DPH6: variants seen among roughly 807,000 people sequenced by gnomAD.
DPH6 encodes diphthine--ammonia ligase.
In DPH6, 33 loss-of-function variants were observed where a neutral mutation model predicts 38.2. The ratio of observed to expected loss-of-function variants is 0.86; its 90% CI spans 0.65 to 1.15. The LOEUF (loss-of-function observed/expected upper bound fraction) is 1.15. DPH6 is among the 50% of genes most tolerant of loss of function. The pLI is 0.00. For synonymous variants in DPH6, 108 were observed against 103.0 expected, an observed-to-expected ratio of 1.05 and a Z score of -0.30; for missense variants, 325 against 320.0, an observed-to-expected ratio of 1.02 and a Z score of -0.12.
Position 35,257,807 on chromosome 15 carries a change from C to G in DPH6, n.201-37225G>C, listed in dbSNP as rs562440207. 1.7e-4 allele frequency among the ~76,000 whole-genome samples: 22 copies of G among 131,482 alleles called. 4 individuals are homozygous for G. The highest frequency in any genetic ancestry group is 8.2e-4 in the East Asian group (3 of 3,640). 86.3% of individuals were successfully genotyped at this position (131,482 alleles called of 152,430 possible). On this transcript the variant is annotated intron_variant and non_coding_transcript_variant, in intron 3 of 3. Transcript: ENST00000560386. ...GTGTGTGTGTGTGTGCATTTTCTTA[C>G]TTCTTTTATCATTACAATGCATAGT... is the stretch of plus-strand genomic sequence containing the variant.
intron 3 of DPH6, among the ~76,000 whole-genome samples, chr15:35,354,495 T>C (rs1001574495): frequency 6.6e-6 from 1 of 152,214 alleles, no homozygotes; most frequent in Non-Finnish European, 1.5e-5. Context: ...CATGAAGCGT[T>C]GTTGAATTTT....
intron 3 of DPH6, among the ~76,000 whole-genome samples, chr15:35,524,928 T>C (rs2054975932): frequency 6.6e-6 from 1 of 152,144 alleles, no homozygotes; most frequent in African/African-American, 2.4e-5. Context: ...AATTTCTCCC[T>C]TGGATTACCA....
intron 3 of DPH6, among the ~76,000 whole-genome samples, chr15:35,265,947 A>C (rs1386130683): frequency 2.0e-5 from 3 of 152,192 alleles, no homozygotes; most frequent in Non-Finnish European, 4.4e-5. Context: ...CTACTTCTAC[A>C]AACAATTTAG....
intron 3 of DPH6, among the ~76,000 whole-genome samples, chr15:35,485,704 T>C (rs1417272819): frequency 6.6e-6 from 1 of 152,206 alleles, no homozygotes; most frequent in African/African-American, 2.4e-5. Context: ...TTGGATATAA[T>C]ACTTTGAGTT....
chr15:35,259,268 C>T (rs1258424408), intron 3 of DPH6, among the ~76,000 whole-genome samples: 1 of 152,104 alleles, frequency 6.6e-6, no homozygotes, highest in Non-Finnish European at 1.5e-5. Flanking sequence ...TACTCCTTAC[C>T]ACACTTTTCT....
At chr15:35,528,174 C>T (rs2055033590) in intron 3 of DPH6, among the ~76,000 whole-genome samples, 1 of 151,996 alleles carries the variant, frequency 6.6e-6, no homozygotes, top group Admixed American at 6.6e-5. Flanking sequence ...TCTGTGAATC[C>T]ACACTAGGTG....
chr15:35,186,173 G>A, the DPH6 span, among the ~76,000 whole-genome samples: 1 of 152,124 alleles, frequency 6.6e-6, no homozygotes. Flanking sequence ...TATTTTAGGA[G>A]CATCATCTTT....
At chr15:35,442,836 A>T (rs2053805114) in intron 5 of DPH6, among the ~76,000 whole-genome samples, 1 of 152,214 alleles carries the variant, frequency 6.6e-6, no homozygotes, top group South Asian at 2.1e-4. Context: ...AGATATGAAG[A>T]CACAAAGTCC....
At chr15:35,523,420 T>G (rs1332229314) in intron 3 of DPH6, among the ~76,000 whole-genome samples, 1 of 151,904 alleles carries the variant, frequency 6.6e-6, no homozygotes, top group Non-Finnish European at 1.5e-5. Context: ...GAAGAGATGT[T>G]AACTGTATGA....
intron 3 of DPH6, among the ~76,000 whole-genome samples, chr15:35,276,183 T>C (rs1300539376): frequency 2.6e-5 from 4 of 152,182 alleles, no homozygotes; most frequent in Non-Finnish European, 4.4e-5. Flanking sequence ...CCCAGATCAT[T>C]AGTGATGTTG....
At chr15:35,281,816 T>C (rs938965104) in intron 3 of DPH6, among the ~76,000 whole-genome samples, 3 of 152,214 alleles carry the variant, frequency 2.0e-5, no homozygotes, top group Non-Finnish European at 4.4e-5. Context: ...ATATCTACCG[T>C]AGATACCTCA....
At chr15:35,152,401 T>G in the DPH6 span, among the ~76,000 whole-genome samples, 9 of 152,212 alleles carry the variant, frequency 5.9e-5, no homozygotes, top group Non-Finnish European at 1.2e-4. Context: ...TTTTAAGGTT[T>G]GAGACACTGG....
At chr15:35,286,698 G>A (rs1252332976) in intron 3 of DPH6, among the ~76,000 whole-genome samples, 1 of 152,124 alleles carries the variant, frequency 6.6e-6, no homozygotes, top group Non-Finnish European at 1.5e-5. Flanking sequence ...TGTCTGAAAA[G>A]GTAAATTTAA....
At chr15:35,482,193 GA>G (rs1159523685) in intron 3 of DPH6, among the ~76,000 whole-genome samples, 3 of 152,182 alleles carry the variant, frequency 2.0e-5, no homozygotes, top group South Asian at 2.1e-4. Flanking sequence ...CAAACGAACT[GA>G]AAAAACCAGT....
At chr15:35,171,516 C>T in the DPH6 span, among the ~76,000 whole-genome samples, 1 of 151,956 alleles carries the variant, frequency 6.6e-6, no homozygotes, top group Non-Finnish European at 1.5e-5. Context: ...AATTGTTGTC[C>T]GTAATTGCCA....
chr15:35,340,711 C>T (rs1051367135), intron 3 of DPH6, among the ~76,000 whole-genome samples: 1 of 152,300 alleles, frequency 6.6e-6, no homozygotes, highest in Non-Finnish European at 1.5e-5. Flanking sequence ...TCGCCCCAAT[C>T]TCTTCTGGCT....
At chr15:35,230,885 A>G (rs1339227528) in intron 3 of DPH6, among the ~76,000 whole-genome samples, 1 of 152,220 alleles carries the variant, frequency 6.6e-6, no homozygotes, top group African/African-American at 2.4e-5. Context: ...AAGATACAAA[A>G]TAATGTCCTC....
intron 3 of DPH6, among the ~76,000 whole-genome samples, chr15:35,345,268 T>A (rs558264086): frequency 6.6e-6 from 1 of 151,976 alleles, no homozygotes; most frequent in African/African-American, 2.4e-5. Context: ...TCTAAGAACA[T>A]CTCTGTAGAT....
intron 3 of DPH6, chr15:35,489,248 T>C: frequency 1.3e-6 from 1 of 774,090 alleles, no homozygotes; most frequent in Non-Finnish European, 1.6e-6. Flanking sequence ...TTTTTTACCA[T>C]GTGATCTGGG....
Sources: gnomAD v4.1 joint callset for allele counts (sites outside exome capture counted in the v4.1 genomes callset) on GRCh38, gnomAD v4.1.1 for gene constraint, MANE v1.5 for transcripts, NCBI Gene and HGNC (gene_info 2026-07-23, HGNC 2026-07-21) for gene names.